The following ANAPC10 variants were observed in gnomAD, a reference collection of about 807,000 sequenced individuals.
The protein encoded by ANAPC10 is anaphase promoting complex subunit 10.
A neutral mutation model predicts 22.0 loss-of-function variants in ANAPC10; 12 were observed. The observed-to-expected ratio is 0.55, with a 90% CI of 0.35 to 0.88. The LOEUF (loss-of-function observed/expected upper bound fraction) is 0.88, where lower values mean the gene tolerates loss of function less well. Ranked by LOEUF, ANAPC10 falls within the 40% of genes least tolerant of loss-of-function variation. The pLI, the probability that ANAPC10 is intolerant of heterozygous loss-of-function variation, is 0.01. For missense variants in ANAPC10, 188 were observed against 220.9 expected (o/e 0.85, Z 0.94); for synonymous variants, 65 against 69.5 (o/e 0.94, Z 0.32).
chr4:145,049,446 T>C (rs1740785460), intron 4 of ANAPC10, among the ~76,000 whole-genome samples: 1 of 152,232 alleles, frequency 6.6e-6, no homozygotes, highest in Non-Finnish European at 1.5e-5. Flanking sequence ...AAATTCTTTG[T>C]TGTCATTTCA....
chr4:145,079,745 G>A (rs1168446897), intron 3 of ANAPC10, among the ~76,000 whole-genome samples: 4 of 152,132 alleles, frequency 2.6e-5, no homozygotes, highest in Non-Finnish European at 4.4e-5. Context: ...GATGCAGCTG[G>A]AGGCCGGCAT....
intron 3 of ANAPC10, among the ~76,000 whole-genome samples, chr4:145,079,472 A>G (rs1457299448): frequency 1.3e-5 from 2 of 152,256 alleles, no homozygotes; most frequent in African/African-American, 4.8e-5. Context: ...CAGTTTGGAG[A>G]TTTCTCAAAG....
chr4:145,074,763 T>C (rs1017286230), intron 3 of ANAPC10, among the ~76,000 whole-genome samples: 12 of 152,192 alleles, frequency 7.9e-5, no homozygotes, highest in Admixed American at 5.2e-4. Context: ...GTAGCAACTA[T>C]TACTATCAAG....
intron 4 of ANAPC10, among the ~76,000 whole-genome samples, chr4:145,052,350 A>G (rs1741241709): frequency 6.6e-6 from 1 of 152,202 alleles, no homozygotes; most frequent in South Asian, 2.1e-4. Context: ...ATATCAAAAC[A>G]TCATTATAAG....
chr4:145,010,130 C>A (rs1734062219), intron 4 of ANAPC10, among the ~76,000 whole-genome samples: 1 of 152,160 alleles, frequency 6.6e-6, no homozygotes. Context: ...GAGATACCAT[C>A]TCACACCAGT....
chr4:145,075,376 A>G (rs1304224572), intron 3 of ANAPC10, among the ~76,000 whole-genome samples: 1 of 152,174 alleles, frequency 6.6e-6, no homozygotes, highest in Non-Finnish European at 1.5e-5. Flanking sequence ...CTTTTATTTT[A>G]ATTTTAGCAA....
intron 2 of ANAPC10, among the ~76,000 whole-genome samples, chr4:145,083,335 C>A (rs183189053): frequency 8.4e-4 from 128 of 152,250 alleles, no homozygotes; most frequent in Non-Finnish European, 1.5e-5. Flanking sequence ...TCTCACCACA[C>A]CTCTGCAGAA....
At chr4:145,086,410 T>C (rs1329500785) in intron 2 of ANAPC10, among the ~76,000 whole-genome samples, 2 of 152,220 alleles carry the variant, frequency 1.3e-5, no homozygotes, top group Non-Finnish European at 2.9e-5. Context: ...ATGCAGTTAT[T>C]ATATGATGTA....
intron 3 of ANAPC10, among the ~76,000 whole-genome samples, chr4:145,073,294 C>T (rs1041581163): frequency 7.9e-5 from 12 of 152,124 alleles, no homozygotes; most frequent in African/African-American, 2.9e-4. Context: ...TGCACAAATG[C>T]TTTTTTACAA....
intron 1 of ANAPC10, chr4:145,097,665 G>C (rs1579198642): frequency 1.7e-6 from 1 of 576,888 alleles, no homozygotes; most frequent in African/African-American, 1.9e-5. Flanking sequence ...AATAGGTTCA[G>C]TTATGAACTA....
At chr4:145,037,016 GTGTGTGTGTGTGTGTGTGTGTGTA>G (rs1372011845) in intron 4 of ANAPC10, among the ~76,000 whole-genome samples, 4 of 140,970 alleles carry the variant, frequency 2.8e-5, no homozygotes, top group South Asian at 2.5e-4. Flanking sequence ...GTGTGTGTGT[GTGTGTGTGTGTGTGTGTGTGTGTA>G]TGTGTGTGCA....
At position 145,055,560 on chromosome 4, in the gene ANAPC10, T is replaced by C. The variant is rs542427498; in HGVS notation, c.327+9012A>G. 7.5e-5 allele frequency among the ~76,000 whole-genome samples: 11 copies of C among 146,726 alleles called. No homozygotes were observed. In the South Asian group the frequency reaches 2.2e-3, roughly 29 times the overall value. ...GTGACAGAGCTAGACACTGTCTCAA[T>C]AAATAAAAAAAAAATTAAATAAAAA... On this transcript the variant is annotated intron_variant, in intron 4 of 4. Coordinates refer to ENST00000507656, the MANE Select transcript of ANAPC10 (RefSeq NM_001256706.2).
chr4:145,080,682 GT>G (rs1745866933), intron 3 of ANAPC10, among the ~76,000 whole-genome samples: 1 of 152,146 alleles, frequency 6.6e-6, no homozygotes, highest in African/African-American at 2.4e-5. Context: ...GCCGAGGCGG[GT>G]TGAATCACAA....
chr4:145,043,198 C>A (rs981186381), intron 4 of ANAPC10, among the ~76,000 whole-genome samples: 1 of 151,538 alleles, frequency 6.6e-6, no homozygotes. Context: ...AAAAAAGAGG[C>A]AGGATTCAGT....
At chr4:145,069,202 G>A (rs1473357869) in intron 3 of ANAPC10, among the ~76,000 whole-genome samples, 1 of 152,128 alleles carries the variant, frequency 6.6e-6, no homozygotes, top group Non-Finnish European at 1.5e-5. Context: ...AGGCCTCTAG[G>A]TCCTGAGAGA....
chr4:145,055,731 G>C (rs1202120418), intron 4 of ANAPC10, among the ~76,000 whole-genome samples: 1 of 152,018 alleles, frequency 6.6e-6, no homozygotes, highest in Admixed American at 6.6e-5. Context: ...ACAAAAACTA[G>C]AACAGTGCTC....
chr4:145,092,455 G>C (rs1359952475), intron 2 of ANAPC10, among the ~76,000 whole-genome samples: 1 of 152,176 alleles, frequency 6.6e-6, no homozygotes, highest in Admixed American at 6.6e-5. Context: ...AAAGATTACA[G>C]ATTGTCCCAA....
intron 3 of ANAPC10, among the ~76,000 whole-genome samples, chr4:145,068,110 C>A (rs1398682938): frequency 6.6e-6 from 1 of 152,192 alleles, no homozygotes; most frequent in Non-Finnish European, 1.5e-5. Flanking sequence ...CACTGTGAGG[C>A]TGCCATACCA....
chr4:145,083,221 A>G (rs1424722620), intron 2 of ANAPC10, among the ~76,000 whole-genome samples: 7 of 152,230 alleles, frequency 4.6e-5, no homozygotes, highest in African/African-American at 9.6e-5. Context: ...AACATTTTAT[A>G]TATGTTAAAT....
Sources: allele counts gnomAD v4.1 joint callset (sites outside exome capture counted in the v4.1 genomes callset), GRCh38; gene constraint gnomAD v4.1.1; transcripts MANE v1.5; gene names NCBI Gene and HGNC (gene_info 2026-07-23, HGNC 2026-07-21).